Variants in REV3L observed in about 807,000 individuals in gnomAD.
REV3L encodes the protein REV3 like, DNA directed polymerase zeta catalytic subunit, also known as DNA polymerase zeta catalytic subunit.
In REV3L, 69 loss-of-function variants were observed where a neutral mutation model predicts 299.4. That is an observed-to-expected ratio of 0.23 (90% confidence interval 0.19 to 0.28). The LOEUF is 0.28. Ranked by LOEUF, REV3L falls within the 10% of genes least tolerant of loss-of-function variation. The pLI is 1.00. For missense variants in REV3L, 3,128 were observed against 3,693.8 expected, an observed-to-expected ratio of 0.85 and a Z score of 3.97; for synonymous variants, 1,238 against 1,271.4, an observed-to-expected ratio of 0.97 and a Z score of 0.56.
At chr6:111,396,151 C>T (rs1420676334) in intron 4 of REV3L, among the ~76,000 whole-genome samples, 2 of 152,072 alleles carry the variant, frequency 1.3e-5, no homozygotes, top group Non-Finnish European at 2.9e-5. Context: ...CTAAGTCTCC[C>T]AAGTAGGTGG....
intron 9 of REV3L, among the ~76,000 whole-genome samples, chr6:111,384,047 A>G (rs540416888): frequency 2.6e-5 from 4 of 152,198 alleles, no homozygotes; most frequent in Admixed American, 6.5e-5. Context: ...TTGGATATCT[A>G]CATGCAGAAG....
At chr6:111,444,257 G>C (rs1456886643) in intron 1 of REV3L, among the ~76,000 whole-genome samples, 3 of 152,188 alleles carry the variant, frequency 2.0e-5, no homozygotes, top group African/African-American at 4.8e-5. Context: ...GGTAGGGTTA[G>C]ATTTCCAAAA....
Position 111,307,360 on chromosome 6 carries a change from C to T in REV3L, c.9252+1G>A. 1 of 1,613,578 alleles carries T rather than the reference C, an allele frequency of 6.2e-7. No homozygotes were observed. ...TCTGGGCCCATGGAACAAAACTGTACCTTTACAAGTTGCTCCTGTTGACGT... is the reference window on the plus strand; with the variant it reads ...TCTGGGCCCATGGAACAAAACTGTATCTTTACAAGTTGCTCCTGTTGACGT... On this transcript the variant is annotated splice_donor_variant, in intron 31 of 31. Coordinates refer to ENST00000368802, the MANE Select transcript of REV3L (RefSeq NM_001372078.1). LOFTEE classifies it high-confidence loss of function.
intron 18 of REV3L, 22 bp from the exon 19 acceptor site, chr6:111,351,813 G>T: frequency 6.9e-7 from 1 of 1,453,292 alleles, no homozygotes; most frequent in Non-Finnish European, 9.6e-7. Context: ...ATTTAAAAAA[G>T]TTATATAAGT....
chr6:111,315,952 G>A (rs1038583748), intron 26 of REV3L, among the ~76,000 whole-genome samples: 1 of 152,098 alleles, frequency 6.6e-6, no homozygotes, highest in Non-Finnish European at 1.5e-5. Flanking sequence ...GTTGGGGACT[G>A]CTGTGGTCCA....
At position 111,374,519 on chromosome 6, in the gene REV3L, G is replaced by A; in HGVS notation, c.3836C>T (p.Ser1279Phe). ...LMGSAVDHPL[S>F]ASLPTGINAQ... ...ATTAATTCCAGTGGGTAGGGAAGCA[G>A]AAAGGGGATGATCTACAGCAGAGCC... Residue 1279 changes from serine (S) to phenylalanine (F), a missense_variant, in exon 13 of 32, where the codon TCT (serine) becomes TTT (phenylalanine). Physicochemically the swap from Ser to Phe is radical, Grantham distance 155. Coordinates refer to ENST00000368802, the MANE Select transcript of REV3L (RefSeq NM_001372078.1). 1 of 1,614,046 alleles carries A rather than the reference G, an allele frequency of 6.2e-7. No homozygotes were observed. The highest frequency in any genetic ancestry group is 8.5e-7 in the Non-Finnish European group (1 of 1,179,948).
intron 1 of REV3L, among the ~76,000 whole-genome samples, chr6:111,450,618 A>G (rs1442295949): frequency 9.9e-5 from 15 of 152,168 alleles, no homozygotes; most frequent in Admixed American, 9.2e-4. Flanking sequence ...AAAACAAAAC[A>G]AAACAAAAAA....
intron 9 of REV3L, among the ~76,000 whole-genome samples, chr6:111,383,648 T>C (rs1781054620): frequency 6.6e-6 from 1 of 152,144 alleles, no homozygotes; most frequent in Non-Finnish European, 1.5e-5. Flanking sequence ...GTTCATGGAT[T>C]GGAAGAATCA....
At chr6:111,391,829 A>T (rs984500040) in intron 5 of REV3L, among the ~76,000 whole-genome samples, 2 of 152,170 alleles carry the variant, frequency 1.3e-5, no homozygotes, top group East Asian at 3.9e-4. Context: ...CTCTACAAAA[A>T]TTTTTAAAAA....
chr6:111,436,409 A>G (rs1394906616), intron 1 of REV3L, among the ~76,000 whole-genome samples: 7 of 152,250 alleles, frequency 4.6e-5, no homozygotes, highest in Non-Finnish European at 5.9e-5. Flanking sequence ...TGGATAAAGA[A>G]AATATGGTAT....
At position 111,392,661 on chromosome 6, in the gene REV3L, T is replaced by C. The variant is rs527666233; in HGVS notation, c.662+215A>G. The C allele has an allele frequency of 1.1e-4, 43 of 384,910 alleles. 2 individuals are homozygous for C. The South Asian group carries it at 1.8e-3, about 16-fold the overall frequency. The allele number at this position is 384,910 out of a possible 1,614,324, so 23.8% of individuals were successfully genotyped here. On this transcript the variant is annotated intron_variant, in intron 5 of 31. Transcript: ENST00000368802. ...AACAATATCTACCTTGTATTCCTTT[T>C]GTTAATTAGGTAATAACTAGTACAT...
intron 4 of REV3L, among the ~76,000 whole-genome samples, chr6:111,402,970 A>G (rs1783241525): frequency 6.6e-6 from 1 of 152,228 alleles, no homozygotes; most frequent in African/African-American, 2.4e-5. Flanking sequence ...GGATGTTCAC[A>G]GCAGCATTGT....
intron 1 of REV3L, among the ~76,000 whole-genome samples, chr6:111,446,732 A>ACAAACAAC (rs1554239468): frequency 1.4e-5 from 2 of 146,974 alleles, no homozygotes; most frequent in Non-Finnish European, 3.0e-5. Flanking sequence ...AAACAAACAA[A>ACAAACAAC]CAACTCCCAA....
chr6:111,337,454 CTGAA>C (rs1000980997), intron 21 of REV3L, among the ~76,000 whole-genome samples: 1 of 152,070 alleles, frequency 6.6e-6, no homozygotes, highest in African/African-American at 2.4e-5. Context: ...GAAACACTTA[CTGAA>C]TATCTTTTAT....
At chr6:111,417,402 C>G (rs1784890620) in intron 1 of REV3L, among the ~76,000 whole-genome samples, 2 of 152,132 alleles carry the variant, frequency 1.3e-5, no homozygotes. Flanking sequence ...CCCTAGTTCC[C>G]CTTGGGTATG....
At chr6:111,428,691 C>A (rs1786482545) in intron 1 of REV3L, among the ~76,000 whole-genome samples, 1 of 151,456 alleles carries the variant, frequency 6.6e-6, no homozygotes, top group Non-Finnish European at 1.5e-5. Flanking sequence ...AAGAAAAAAA[C>A]CAATGGAAAG....
intron 1 of REV3L, among the ~76,000 whole-genome samples, chr6:111,454,489 T>A (rs1789941502): frequency 6.6e-6 from 1 of 152,062 alleles, no homozygotes; most frequent in African/African-American, 2.4e-5. Flanking sequence ...ATCATCACTA[T>A]CCATCTCCAG....
intron 1 of REV3L, among the ~76,000 whole-genome samples, chr6:111,443,805 T>TA (rs1788543447): frequency 1.3e-5 from 2 of 152,248 alleles, no homozygotes; most frequent in African/African-American, 4.8e-5. Flanking sequence ...CAGCTTAACA[T>TA]TCAGCCATAG....
In REV3L at chr6:111,300,070, T is replaced by A; in HGVS notation, c.9339A>T (p.Val3113=). 6.2e-7 allele frequency: 1 copy of A among 1,613,826 alleles called. No individual in the cohort carries two copies. Among genetic ancestry groups the A allele is most frequent in the Admixed American group, 1.7e-5 (1 of 60,000 alleles). ...NCPVLFKLSR[V]NRELSKAPYL... is the part of the protein sequence containing the mutation. ...ATGGTGCCTTGGACAATTCTCTATT[T>A]ACTCGGGAGAGTTTGAAAAGTACTG... is the stretch of plus-strand genomic sequence containing the variant. The change falls in exon 32 of 32, where the codon GTA becomes GTT. Residue 3113 remains valine (V), a synonymous_variant. Coordinates refer to ENST00000368802, the MANE Select transcript of REV3L (RefSeq NM_001372078.1).
Sources: gnomAD v4.1 joint callset for allele counts (sites outside exome capture counted in the v4.1 genomes callset) on GRCh38, gnomAD v4.1.1 for gene constraint, MANE v1.5 for transcripts, NCBI Gene and HGNC (gene_info 2026-07-23, HGNC 2026-07-21) for gene names.